EPHX2: variants seen among roughly 807,000 people sequenced by gnomAD.
EPHX2 encodes the protein epoxide hydrolase 2.
Under a neutral mutation model 78.7 loss-of-function variants are expected in EPHX2, and 74 were observed. The ratio of observed to expected loss-of-function variants is 0.94; its 90% CI spans 0.78 to 1.14. The LOEUF (loss-of-function observed/expected upper bound fraction) is 1.14. EPHX2 is among the 50% of genes most tolerant of loss of function. The pLI is 0.00. For missense variants in EPHX2, 715 were observed against 702.5 expected, an observed-to-expected ratio of 1.02 and a Z score of -0.20; for synonymous variants, 251 against 255.2, an observed-to-expected ratio of 0.98 and a Z score of 0.16.
chr8:27,506,477 T>C (rs1004758970), intron 4 of EPHX2, among the ~76,000 whole-genome samples: 8 of 152,250 alleles, frequency 5.3e-5, no homozygotes, highest in African/African-American at 1.7e-4. Context: ...TTCTATTTCA[T>C]AGACATGTCT....
At chr8:27,511,762 C>A in intron 5 of EPHX2, 74 bp from the exon 6 acceptor site, 1 of 1,481,596 alleles carries the variant, frequency 6.7e-7, no homozygotes, top group Non-Finnish European at 9.4e-7. Context: ...CCTCCCCTGG[C>A]ACCAGTATTC....
At chr8:27,504,338 A>C (rs560921929) in intron 3 of EPHX2, among the ~76,000 whole-genome samples, 1 of 152,282 alleles carries the variant, frequency 6.6e-6, no homozygotes, top group South Asian at 2.1e-4. Flanking sequence ...GCGTGGGAAG[A>C]GTCTCACCAT....
chr8:27,513,208 T>C (rs1814319091), intron 6 of EPHX2, among the ~76,000 whole-genome samples: 8 of 151,564 alleles, frequency 5.3e-5, no homozygotes, highest in Admixed American at 5.3e-4. Context: ...CAGGCACGAG[T>C]GGGTTTGCAT....
At chr8:27,519,825 C>G (rs973695029) in intron 9 of EPHX2, among the ~76,000 whole-genome samples, 9 of 152,054 alleles carry the variant, frequency 5.9e-5, no homozygotes, top group Non-Finnish European at 1.3e-4. Flanking sequence ...TTACACCTGT[C>G]TTAGAGCAGG....
Position 27,500,760 on chromosome 8 carries a change from G to A in EPHX2, c.102-166G>A, listed in dbSNP as rs72474001. Among the ~76,000 whole-genome samples the A allele has an allele frequency of 9.2e-5, 14 of 152,334 alleles. No homozygotes were observed. The East Asian group carries it at 2.7e-3, about 29-fold the overall frequency. The stretch of plus-strand genomic sequence containing the variant: ...ATGGTCTCATGTCCTCAGCTGGATG[G>A]CTCCTTGCGCGCAAAGATCCCAATT... On this transcript the variant is annotated intron_variant, in intron 1 of 18. Transcript: ENST00000521400.
chr8:27,530,355 G>A (rs17057310), intron 12 of EPHX2, among the ~76,000 whole-genome samples: 17,188 of 152,136 alleles, frequency 0.11, 1,066 homozygotes, highest in African/African-American at 0.17. Context: ...AAAGTAAAAA[G>A]CTGAATCGCC....
At chr8:27,529,892 A>G (rs1362146609) in intron 12 of EPHX2, among the ~76,000 whole-genome samples, 2 of 150,058 alleles carry the variant, frequency 1.3e-5, no homozygotes, top group African/African-American at 4.9e-5. Flanking sequence ...GCCTGAGCAA[A>G]AAAAAAAAAA....
At chr8:27,547,466 G>A (rs1241566394), downstream of EPHX2, among the ~76,000 whole-genome samples, 1 of 152,198 alleles carries the variant, frequency 6.6e-6, no homozygotes, top group African/African-American at 2.4e-5. Context: ...ACATATTCAT[G>A]GGGTACATAG....
chr8:27,503,755 G>A lies in EPHX2; in HGVS notation c.338G>A (p.Arg113Lys). The A allele has an allele frequency of 6.2e-7, 1 of 1,611,508 alleles. No individual in the cohort carries two copies. The highest frequency in any genetic ancestry group is 1.1e-5 in the South Asian group (1 of 91,054). ...ATGCTCCAGGCAGCTCTCATGCTCA[G>A]GAAGAAAGGTAAGGATCTGATACTG... ...RPMLQAALML[R>K]KKGFTTAILT... The change falls in exon 3 of 19, where the codon AGG (arginine) becomes AAG (lysine). Residue 113 changes from arginine to lysine, a missense_variant. Physicochemically the swap from Arg to Lys is conservative, Grantham distance 26 (BLOSUM62 2). Coordinates refer to ENST00000521400, the MANE Select transcript of EPHX2 (RefSeq NM_001979.6).
intron 5 of EPHX2, among the ~76,000 whole-genome samples, chr8:27,511,398 G>T (rs370686727): frequency 6.6e-6 from 1 of 152,222 alleles, no homozygotes; most frequent in African/African-American, 2.4e-5. Flanking sequence ...TTTGCTTCTT[G>T]CTTATATGGA....
chr8:27,519,112 A>G (rs898437140), intron 9 of EPHX2, among the ~76,000 whole-genome samples: 2 of 152,228 alleles, frequency 1.3e-5, no homozygotes, highest in African/African-American at 4.8e-5. Context: ...ATCCACAGCT[A>G]GGTATTTACC....
At chr8:27,538,767 A>C in intron 14 of EPHX2, 75 bp downstream of exon 14, 3 of 1,511,042 alleles carry the variant, frequency 2.0e-6, no homozygotes, top group African/African-American at 1.4e-5. Context: ...TCTGACTGCT[A>C]TGGGCAGAAG....
chr8:27,528,795 T>A (rs891852473), intron 12 of EPHX2, among the ~76,000 whole-genome samples: 18 of 152,142 alleles, frequency 1.2e-4, no homozygotes, highest in East Asian at 1.2e-3. Flanking sequence ...CACTTATTTT[T>A]TTATTATTAT....
intron 8 of EPHX2, among the ~76,000 whole-genome samples, chr8:27,516,624 T>C (rs972946144): frequency 6.6e-6 from 1 of 152,164 alleles, no homozygotes; most frequent in Non-Finnish European, 1.5e-5. Context: ...CTAAGGCTCA[T>C]GCTCCAAGGG....
chr8:27,523,893 G>A (rs1407172897), intron 11 of EPHX2, among the ~76,000 whole-genome samples: 1 of 151,508 alleles, frequency 6.6e-6, no homozygotes, highest in Non-Finnish European at 1.5e-5. Flanking sequence ...AGATAGCAAC[G>A]AGCTGTGTTT....
chr8:27,547,751 A>C (rs1354694631), downstream of EPHX2, among the ~76,000 whole-genome samples: 2 of 151,806 alleles, frequency 1.3e-5, no homozygotes, highest in African/African-American at 4.8e-5. Flanking sequence ...TCTACTTTTT[A>C]CTTCTAGGAA....
intron 15 of EPHX2, 116 bp from the exon 16 acceptor site, chr8:27,541,357 C>T: frequency 9.2e-7 from 1 of 1,082,446 alleles, no homozygotes; most frequent in Non-Finnish European, 1.4e-6. Context: ...CTTGCCCCTG[C>T]AGGAGGCTTT....
chr8:27,491,332 C>T, intron 1 of EPHX2, 23 bp downstream of exon 1: 3 of 1,457,722 alleles, frequency 2.1e-6, no homozygotes, highest in South Asian at 1.4e-5. Context: ...AGCGCCGCCG[C>T]CGCAGTGGGT....
Position 27,500,931 on chromosome 8 carries a change from T to C in EPHX2, c.107T>C (p.Leu36Pro), listed in dbSNP as rs377050303. 5 of 1,613,070 alleles carry C rather than the reference T, an allele frequency of 3.1e-6. No homozygotes were observed. The Admixed American group carries it at 5.0e-5, about 16-fold the overall frequency. The change falls in exon 2 of 19, where the codon CTT becomes CCT. Residue 36 changes from leucine (L) to proline (P), a missense_variant. Physicochemically the swap from Leu to Pro is moderately conservative, Grantham distance 98 (BLOSUM62 -3). Transcript: ENST00000521400. ...ATGTTCTTTGTGTTTTCCAGAGGACTTCTGAATGATGCTTTCCAGAAAGGG... is the reference window on the plus strand; with the variant it reads ...ATGTTCTTTGTGTTTTCCAGAGGACCTCTGAATGATGCTTTCCAGAAAGGG... ...TEEALALPRG[L>P]LNDAFQKGGP...
Sources: gnomAD v4.1 joint callset for allele counts (sites outside exome capture counted in the v4.1 genomes callset) on GRCh38, gnomAD v4.1.1 for gene constraint, MANE v1.5 for transcripts, NCBI Gene and HGNC (gene_info 2026-07-23, HGNC 2026-07-21) for gene names.